GARNL3: variants seen among roughly 807,000 people sequenced by gnomAD.
GARNL3 encodes the protein GTPase-activating Rap/Ran-GAP domain-like protein 3.
Under a neutral mutation model 125.0 loss-of-function variants are expected in GARNL3, and 63 were observed. The ratio of observed to expected loss-of-function variants is 0.50; its 90% CI spans 0.41 to 0.62. The LOEUF (loss-of-function observed/expected upper bound fraction) is 0.62. Among genes scored for constraint, GARNL3 ranks in the 20% least tolerant of loss-of-function variants. The pLI is 0.00. For missense variants in GARNL3, 994 were observed against 1,244.0 expected (o/e 0.80, Z 3.02); for synonymous variants, 439 against 457.5 (o/e 0.96, Z 0.52).
intron 1 of GARNL3, among the ~76,000 whole-genome samples, chr9:127,233,962 G>A (rs1373805305): frequency 6.6e-6 from 1 of 151,966 alleles, no homozygotes. Flanking sequence ...TTTAATGTGA[G>A]CTTTTTTCAC....
intron 1 of GARNL3, among the ~76,000 whole-genome samples, chr9:127,281,933 T>C (rs953294453): frequency 6.6e-6 from 1 of 152,240 alleles, no homozygotes; most frequent in Non-Finnish European, 1.5e-5. Flanking sequence ...AACCAGCTTA[T>C]GTTGGAAATC....
At chr9:127,369,235 A>G (rs1452388062) in intron 22 of GARNL3, 1 of 152,238 alleles carries the variant, frequency 6.6e-6, no homozygotes, top group Non-Finnish European at 1.5e-5. Flanking sequence ...AGCTGGGAGA[A>G]TGGAGAATAC....
intron 1 of GARNL3, among the ~76,000 whole-genome samples, chr9:127,239,009 G>C (rs2063158578): frequency 6.6e-6 from 1 of 152,116 alleles, no homozygotes; most frequent in African/African-American, 2.4e-5. Flanking sequence ...GAAGCAGTAG[G>C]AATGTGCCAT....
chr9:127,267,475 A>G (rs2063729257), intron 1 of GARNL3, among the ~76,000 whole-genome samples: 1 of 152,154 alleles, frequency 6.6e-6, no homozygotes, highest in East Asian at 1.9e-4. Context: ...CTTCAGAGTC[A>G]TATTTTAATG....
rs548718211 is a variant in GARNL3 at position 127,275,094 on chromosome 9, A to G, written c.144+10073A>G. 2.0e-5 allele frequency among the ~76,000 whole-genome samples: 3 copies of G among 152,354 alleles called. No individual in the cohort carries two copies. In the East Asian group the frequency reaches 5.8e-4, roughly 29 times the overall value. ...ATTTTAAACTTGATTAAAATATATAATGTAATATACCTTTATGTACTGCTC... is the reference window on the plus strand; with the variant it reads ...ATTTTAAACTTGATTAAAATATATAGTGTAATATACCTTTATGTACTGCTC... On this transcript the variant is annotated intron_variant, in intron 1 of 27. Transcript: ENST00000373387.
chr9:127,327,496 G>A (rs572883088), intron 7 of GARNL3, among the ~76,000 whole-genome samples: 68 of 152,292 alleles, frequency 4.5e-4, no homozygotes, highest in African/African-American at 1.3e-3. Context: ...AATTGTTGGC[G>A]GGAGTTGCTT....
chr9:127,362,875 G>A (rs1831087892), intron 21 of GARNL3: 1 of 152,240 alleles, frequency 6.6e-6, no homozygotes, highest in African/African-American at 2.4e-5. Context: ...AGTAGGCCTA[G>A]ATACTCTTAT....
rs574136062 is a variant in GARNL3, at chr9:127,274,523, A to G, written c.144+9502A>G. Among the ~76,000 whole-genome samples the G allele has an allele frequency of 2.6e-5, 4 of 152,210 alleles. No homozygotes were observed. The East Asian group carries it at 5.8e-4, about 22-fold the overall frequency. On this transcript the variant is annotated intron_variant, in intron 1 of 27. Coordinates refer to ENST00000373387, the MANE Select transcript of GARNL3 (RefSeq NM_032293.5). ...CTTCCTCATGCTCTCCCTAGAGGCC[A>G]CAGGAGTCTCCCATTCCTGTGACAC...
At chr9:127,267,325 C>T (rs1437843457) in intron 1 of GARNL3, among the ~76,000 whole-genome samples, 1 of 152,150 alleles carries the variant, frequency 6.6e-6, no homozygotes, top group African/African-American at 2.4e-5. Flanking sequence ...CAACTGTTTT[C>T]ATCTCCTTGT....
At chr9:127,321,358 C>T (rs1215118148) in intron 6 of GARNL3, among the ~76,000 whole-genome samples, 1 of 152,170 alleles carries the variant, frequency 6.6e-6, no homozygotes, top group African/African-American at 2.4e-5. Flanking sequence ...CTCAGGTGAT[C>T]CACCTGCCTC....
intron 1 of GARNL3, among the ~76,000 whole-genome samples, chr9:127,282,061 T>C (rs1362134920): frequency 2.0e-5 from 3 of 152,220 alleles, no homozygotes; most frequent in African/African-American, 7.2e-5. Context: ...CTTTTGTCTG[T>C]TGTTATGGCA....
intron 1 of GARNL3, among the ~76,000 whole-genome samples, chr9:127,230,168 G>A (rs1420248386): frequency 6.6e-6 from 1 of 152,226 alleles, no homozygotes; most frequent in Non-Finnish European, 1.5e-5. Flanking sequence ...ACAGACTTGG[G>A]TTCAAGTTTC....
At chr9:127,365,635 T>C (rs1210681610) in intron 22 of GARNL3, among the ~76,000 whole-genome samples, 1 of 152,174 alleles carries the variant, frequency 6.6e-6, no homozygotes, top group Admixed American at 6.5e-5. Context: ...AGGAGGCCCT[T>C]ACTGTGTGCC....
intron 2 of GARNL3, among the ~76,000 whole-genome samples, chr9:127,244,248 G>T (rs1327846186): frequency 6.6e-6 from 1 of 152,190 alleles, no homozygotes; most frequent in African/African-American, 2.4e-5. Context: ...CGTGAATAAC[G>T]TGCTAAAGGA....
intron 2 of GARNL3, among the ~76,000 whole-genome samples, chr9:127,256,034 C>T (rs1588695365): frequency 1.3e-5 from 2 of 152,144 alleles, no homozygotes; most frequent in Admixed American, 1.3e-4. Context: ...AGTAGATCTG[C>T]AGGTGGTTAA....
chr9:127,329,669 A>G (rs1829106159), intron 7 of GARNL3, among the ~76,000 whole-genome samples: 2 of 152,030 alleles, frequency 1.3e-5, no homozygotes, highest in South Asian at 2.1e-4. Context: ...CTGCTTGTAC[A>G]TCTCAGTTTC....
chr9:127,231,058 T>A (rs1448266640), intron 1 of GARNL3, among the ~76,000 whole-genome samples: 7,274 of 69,666 alleles, frequency 0.1, 253 homozygotes, highest in South Asian at 0.24. Context: ...ATATTTTTTT[T>A]TTTTTTTTTT....
At chr9:127,331,212 G>C (rs1349305498) in intron 7 of GARNL3, among the ~76,000 whole-genome samples, 3 of 152,114 alleles carry the variant, frequency 2.0e-5, no homozygotes, top group African/African-American at 7.2e-5. Flanking sequence ...CTACTGGCCG[G>C]GCATGGTGGC....
chr9:127,349,077 CT>C (rs1830295961), intron 17 of GARNL3, 42 bp downstream of exon 17: 2 of 1,331,294 alleles, frequency 1.5e-6, no homozygotes, highest in African/African-American at 2.9e-5. Context: ...TTTCATGTAA[CT>C]TGTAGTACTT....
Sources: allele counts gnomAD v4.1 joint callset (sites outside exome capture counted in the v4.1 genomes callset), GRCh38; gene constraint gnomAD v4.1.1; transcripts MANE v1.5; gene names NCBI Gene and HGNC (gene_info 2026-07-23, HGNC 2026-07-21).